Variants in RALYL observed in about 807,000 individuals in gnomAD.
RALYL encodes the protein RNA-binding Raly-like protein.
Under a neutral mutation model 35.1 loss-of-function variants are expected in RALYL, and 29 were observed. That is an observed-to-expected ratio of 0.83 (90% confidence interval 0.61 to 1.13). The LOEUF (loss-of-function observed/expected upper bound fraction) is 1.13. Among genes scored for constraint, RALYL ranks in the 50% most tolerant of loss-of-function variants. The pLI is 0.00. For missense variants in RALYL, 359 were observed against 360.4 expected, an observed-to-expected ratio of 1.00 and a Z score of 0.03; for synonymous variants, 120 against 127.6, an observed-to-expected ratio of 0.94 and a Z score of 0.40.
chr8:84,676,213 G>A (rs1288756597), intron 2 of RALYL, among the ~76,000 whole-genome samples: 1 of 152,104 alleles, frequency 6.6e-6, no homozygotes, highest in African/African-American at 2.4e-5. Context: ...AATTGCAATT[G>A]CAAAAACCAG....
In RALYL at chr8:84,292,044, G is replaced by C. The variant is rs944804184; in HGVS notation, c.-24+107620G>C. 5.3e-5 allele frequency among the ~76,000 whole-genome samples: 8 copies of C among 151,632 alleles called. No homozygotes were observed. In the East Asian group the frequency reaches 1.5e-3, roughly 29 times the overall value. On this transcript the variant is annotated intron_variant, in intron 1 of 8. Coordinates refer to ENST00000521268, the MANE Select transcript of RALYL (RefSeq NM_173848.7). ...ACTACTCAGAAAAATAATGTTACAG[G>C]TTGTTTTGGTATAAAAAGTCAGGCT...
chr8:84,890,170 G>T (rs1843582366), intron 8 of RALYL, among the ~76,000 whole-genome samples: 1 of 152,302 alleles, frequency 6.6e-6, no homozygotes, highest in South Asian at 2.1e-4. Flanking sequence ...TAGAGAGAGA[G>T]AACTTGGTGA....
intron 4 of RALYL, among the ~76,000 whole-genome samples, chr8:84,841,308 G>A (rs1031814153): frequency 6.6e-6 from 1 of 152,000 alleles, no homozygotes; most frequent in Non-Finnish European, 1.5e-5. Context: ...AAAAGGCAGG[G>A]GTTGCAATCC....
At chr8:84,851,225 G>A (rs968958809) in intron 5 of RALYL, among the ~76,000 whole-genome samples, 7 of 151,986 alleles carry the variant, frequency 4.6e-5, no homozygotes, top group African/African-American at 1.7e-4. Context: ...TCAATGAACA[G>A]CAAAAAAAAT....
chr8:84,497,653 T>G (rs2056200427), intron 1 of RALYL, among the ~76,000 whole-genome samples: 3 of 148,858 alleles, frequency 2.0e-5, no homozygotes, highest in African/African-American at 4.9e-5. Context: ...TTTTTTTTTT[T>G]TTTTTTGAGA....
intron 2 of RALYL, among the ~76,000 whole-genome samples, chr8:84,609,470 C>G (rs1199854549): frequency 6.6e-6 from 1 of 152,194 alleles, no homozygotes; most frequent in Middle Eastern, 3.4e-3. Flanking sequence ...TTGTGAAACT[C>G]AAATCCTTTA....
At chr8:84,577,159 G>A (rs568954626) in intron 2 of RALYL, among the ~76,000 whole-genome samples, 404 of 152,302 alleles carry the variant, frequency 2.7e-3, no homozygotes, top group Non-Finnish European at 4.9e-3. Flanking sequence ...CAACAGTTGC[G>A]TTTGGCGTAA....
chr8:84,367,812 G>A (rs1332464500), intron 1 of RALYL, among the ~76,000 whole-genome samples: 1 of 151,956 alleles, frequency 6.6e-6, no homozygotes, highest in African/African-American at 2.4e-5. Flanking sequence ...AGATATCCTA[G>A]CAAATAAGTA....
chr8:84,766,570 T>TA (rs1554577678), intron 2 of RALYL, among the ~76,000 whole-genome samples: 1 of 137,494 alleles, frequency 7.3e-6, no homozygotes, highest in Admixed American at 7.1e-5. Context: ...AATAAATAAA[T>TA]AAAATTAGCC....
chr8:84,875,411 A>G (rs1458562078), intron 7 of RALYL, among the ~76,000 whole-genome samples: 2 of 152,160 alleles, frequency 1.3e-5, no homozygotes, highest in Non-Finnish European at 2.9e-5. Flanking sequence ...TACCTTCCAT[A>G]TATCTTTTTG....
intron 1 of RALYL, among the ~76,000 whole-genome samples, chr8:84,259,423 T>G (rs1297324529): frequency 6.6e-6 from 1 of 152,192 alleles, no homozygotes; most frequent in African/African-American, 2.4e-5. Flanking sequence ...TTGAACAAAT[T>G]TCCTGTGATG....
intron 1 of RALYL, among the ~76,000 whole-genome samples, chr8:84,452,049 T>G (rs567115768): frequency 1.3e-5 from 2 of 152,062 alleles, no homozygotes; most frequent in East Asian, 3.9e-4. Context: ...TTACTGGAAA[T>G]ATGTGTTCCT....
chr8:84,894,030 C>T (rs1392214919), intron 8 of RALYL, among the ~76,000 whole-genome samples: 1 of 152,140 alleles, frequency 6.6e-6, no homozygotes, highest in Non-Finnish European at 1.5e-5. Context: ...AATTTCTGTG[C>T]ACACTGGGGA....
At chr8:84,534,084 A>G (rs1288583281) in intron 2 of RALYL, among the ~76,000 whole-genome samples, 3 of 152,264 alleles carry the variant, frequency 2.0e-5, no homozygotes, top group Admixed American at 2.0e-4. Flanking sequence ...GCTGTGGGCT[A>G]CAAGTTTCTA....
At chr8:84,222,494 A>T (rs1185300275) in intron 1 of RALYL, among the ~76,000 whole-genome samples, 1 of 152,170 alleles carries the variant, frequency 6.6e-6, no homozygotes, top group Non-Finnish European at 1.5e-5. Context: ...AAATGGATCT[A>T]CCTGATCACA....
intron 1 of RALYL, among the ~76,000 whole-genome samples, chr8:84,256,594 G>A (rs1452048325): frequency 6.6e-6 from 1 of 152,052 alleles, no homozygotes; most frequent in Non-Finnish European, 1.5e-5. Context: ...TAGAGCAAGT[G>A]AACTGGACTT....
intron 2 of RALYL, among the ~76,000 whole-genome samples, chr8:84,690,748 A>G (rs755260042): frequency 2.0e-5 from 3 of 152,116 alleles, no homozygotes; most frequent in Non-Finnish European, 2.9e-5. Flanking sequence ...CATATAACAT[A>G]GAAATCCATC....
At chr8:84,861,711 AGAG>A (rs1481085408) in intron 5 of RALYL, among the ~76,000 whole-genome samples, 3 of 152,234 alleles carry the variant, frequency 2.0e-5, no homozygotes, top group African/African-American at 4.8e-5. Context: ...GTCTGCAATC[AGAG>A]GAGACTTTGT....
chr8:84,904,462 A>G (rs987359675), intron 8 of RALYL, among the ~76,000 whole-genome samples: 2 of 152,340 alleles, frequency 1.3e-5, no homozygotes, highest in South Asian at 4.1e-4. Context: ...ATTTGAGCAA[A>G]TAATGTAAAT....
Sources: allele counts gnomAD v4.1 joint callset (sites outside exome capture counted in the v4.1 genomes callset), GRCh38; gene constraint gnomAD v4.1.1; transcripts MANE v1.5; gene names NCBI Gene and HGNC (gene_info 2026-07-23, HGNC 2026-07-21).